WWC2: variants seen among roughly 807,000 people sequenced by gnomAD.
WWC2 encodes the protein WW and C2 domain containing 2, also known as protein WWC2.
Under a neutral mutation model 138.5 loss-of-function variants are expected in WWC2, and 101 were observed. That is an observed-to-expected ratio of 0.73 (90% confidence interval 0.62 to 0.86). The LOEUF is 0.86. Among genes scored for constraint, WWC2 ranks in the 40% least tolerant of loss-of-function variants. The pLI is 0.00. For synonymous variants in WWC2, 558 were observed against 538.4 expected (o/e 1.04, Z -0.50); for missense variants, 1,420 against 1,419.4 (o/e 1.00, Z -0.01).
intron 1 of WWC2, among the ~76,000 whole-genome samples, chr4:183,188,547 C>T (rs1231342063): frequency 1.3e-5 from 2 of 151,966 alleles, no homozygotes; most frequent in East Asian, 3.9e-4. Context: ...CCATTGTGAC[C>T]TATTCTGATA....
intron 21 of WWC2, among the ~76,000 whole-genome samples, chr4:183,303,582 A>G (rs1482366919): frequency 6.6e-6 from 1 of 152,188 alleles, no homozygotes; most frequent in Non-Finnish European, 1.5e-5. Context: ...AGGAGTAACA[A>G]GTAGCACATT....
intron 21 of WWC2, among the ~76,000 whole-genome samples, chr4:183,291,115 G>A (rs1408380771): frequency 6.6e-6 from 1 of 152,238 alleles, no homozygotes; most frequent in Non-Finnish European, 1.5e-5. Flanking sequence ...AGTGAATACA[G>A]GATAATTAGG....
rs528552529 is a variant in WWC2, at chr4:183,199,269, G to A, written c.241+5561G>A. Among the ~76,000 whole-genome samples, 9 of 152,250 alleles carry A rather than the reference G, an allele frequency of 5.9e-5. No individual in the cohort carries two copies. The East Asian group carries it at 1.5e-3, about 26-fold the overall frequency. On this transcript the variant is annotated intron_variant, in intron 2 of 22. Coordinates refer to ENST00000403733, the MANE Select transcript of WWC2 (RefSeq NM_024949.6). ...GGGTTTTGACTGGGGCAGGGAACGG[G>A]CCAGGTTCTTTTGTCGGGAATCTTT...
chr4:183,253,887 ACCC>A lies in WWC2; in HGVS notation c.1086_1088del (p.Pro363del), dbSNP rs1580113474. On this transcript the variant is annotated inframe_deletion, in exon 9 of 23. Coordinates refer to ENST00000403733, the MANE Select transcript of WWC2 (RefSeq NM_024949.6). ...ACTTTTGAAAGAGCTTCAGTTCGTCACCCCACAGAAACGTACCCAAGATGAATT... is the reference window on the plus strand; with the variant it reads ...ACTTTTGAAAGAGCTTCAGTTCGTCACACAGAAACGTACCCAAGATGAATT... 2 of 1,613,852 alleles carry A rather than the reference ACCC, an allele frequency of 1.2e-6. No individual in the cohort carries two copies. Among genetic ancestry groups the A allele is most frequent in the Non-Finnish European group, 1.7e-6 (2 of 1,179,840 alleles).
chr4:183,277,633 C>A (rs1433509882), intron 16 of WWC2, among the ~76,000 whole-genome samples: 1 of 143,134 alleles, frequency 7.0e-6, no homozygotes. Context: ...CACATCCTCT[C>A]CAGCACCTGT....
At chr4:183,208,803 A>G (rs1436558162) in intron 3 of WWC2, 146 bp from the exon 4 acceptor site, 1 of 584,940 alleles carries the variant, frequency 1.7e-6, no homozygotes, top group East Asian at 2.9e-5. Flanking sequence ...TTTTATATTT[A>G]GGTGTCTGAT....
At chr4:183,232,582 A>G (rs1380639816) in intron 4 of WWC2, among the ~76,000 whole-genome samples, 2 of 152,212 alleles carry the variant, frequency 1.3e-5, no homozygotes, top group Admixed American at 1.3e-4. Context: ...AGGTTCGTTC[A>G]TGTTGTGGCA....
In WWC2 at chr4:183,320,068, A is replaced by G. The variant is rs1248383534; in HGVS notation, c.*4339A>G. On this transcript the variant is annotated 3_prime_UTR_variant, in exon 23 of 23. Coordinates refer to ENST00000403733, the MANE Select transcript of WWC2 (RefSeq NM_024949.6). ...TCCTCTTGGATGACACAGGTTTGCC[A>G]GAGTCCCATGGTCCAGTTTTCCATT... 6.2e-7 allele frequency: 1 copy of G among 1,614,148 alleles called. No homozygotes were observed. The highest frequency in any genetic ancestry group is 8.5e-7 in the Non-Finnish European group (1 of 1,180,028).
chr4:183,152,749 G>A (rs993664474), intron 1 of WWC2, among the ~76,000 whole-genome samples: 7 of 151,564 alleles, frequency 4.6e-5, no homozygotes, highest in South Asian at 2.1e-4. Context: ...CAGGTGTGGT[G>A]GCGGGTGCCT....
intron 7 of WWC2, 117 bp downstream of exon 7, chr4:183,248,977 T>C (rs148544751): frequency 2.9e-6 from 3 of 1,030,566 alleles, no homozygotes; most frequent in Non-Finnish European, 4.0e-6. Context: ...CTGTGTGCAT[T>C]CAGTGTTCCA....
At chr4:183,147,904 T>G (rs1733509390) in intron 1 of WWC2, among the ~76,000 whole-genome samples, 1 of 152,222 alleles carries the variant, frequency 6.6e-6, no homozygotes, top group Admixed American at 6.5e-5. Flanking sequence ...TTCTGTTTCA[T>G]TGTTCAAAAT....
At chr4:183,106,977 A>G (rs566183418) in intron 1 of WWC2, among the ~76,000 whole-genome samples, 6 of 152,150 alleles carry the variant, frequency 3.9e-5, no homozygotes, top group South Asian at 4.2e-4. Flanking sequence ...TGGCAGTTCT[A>G]TGTTTAACTT....
chr4:183,268,453 T>G (rs1348148047), intron 14 of WWC2, among the ~76,000 whole-genome samples: 1 of 152,212 alleles, frequency 6.6e-6, no homozygotes, highest in Admixed American at 6.5e-5. Context: ...TTTCATCTGT[T>G]TTAAATTTTC....
chr4:183,300,750 C>CTT (rs36125664), intron 21 of WWC2, among the ~76,000 whole-genome samples: 32 of 146,984 alleles, frequency 2.2e-4, no homozygotes, highest in South Asian at 1.1e-3. Flanking sequence ...CCCTGGTCAG[C>CTT]TTTTTTTTTT....
intron 1 of WWC2, among the ~76,000 whole-genome samples, chr4:183,181,882 C>T (rs1046102685): frequency 3.3e-5 from 5 of 152,154 alleles, no homozygotes; most frequent in African/African-American, 1.2e-4. Flanking sequence ...AATAACAGTT[C>T]ATCCTGTTAT....
chr4:183,209,410 T>C (rs1735537378), intron 4 of WWC2, among the ~76,000 whole-genome samples: 1 of 152,094 alleles, frequency 6.6e-6, no homozygotes, highest in Non-Finnish European at 1.5e-5. Context: ...GTATTTTTAG[T>C]AGAGATGGGG....
intron 11 of WWC2, among the ~76,000 whole-genome samples, chr4:183,263,870 C>T (rs184582562): frequency 6.6e-6 from 1 of 152,208 alleles, no homozygotes; most frequent in Non-Finnish European, 1.5e-5. Flanking sequence ...TCATCTCCCT[C>T]AGTGCTCTAG....
intron 4 of WWC2, among the ~76,000 whole-genome samples, chr4:183,223,645 CAG>C (rs1197839708): frequency 1.3e-5 from 2 of 152,100 alleles, no homozygotes; most frequent in Non-Finnish European, 2.9e-5. Context: ...TTTTTTGAAT[CAG>C]GGTGTAAATA....
At chr4:183,147,309 G>A (rs964673383) in intron 1 of WWC2, among the ~76,000 whole-genome samples, 3 of 152,212 alleles carry the variant, frequency 2.0e-5, no homozygotes, top group Non-Finnish European at 4.4e-5. Context: ...GCGGCTCAGA[G>A]AAGCTAAGTA....
Sources: gnomAD v4.1 joint callset for allele counts (sites outside exome capture counted in the v4.1 genomes callset) on GRCh38, gnomAD v4.1.1 for gene constraint, MANE v1.5 for transcripts, NCBI Gene and HGNC (gene_info 2026-07-23, HGNC 2026-07-21) for gene names.